The following B4GALT6 variants were observed in gnomAD, a reference collection of about 807,000 sequenced individuals.
B4GALT6 encodes UDP-Gal:beta-GlcNAc beta-1,4-galactosyltransferase 6.
Under a neutral mutation model 46.3 loss-of-function variants are expected in B4GALT6, and 14 were observed. The observed-to-expected ratio is 0.30, with a 90% CI of 0.20 to 0.47. The LOEUF (loss-of-function observed/expected upper bound fraction) is 0.47. Among genes scored for constraint, B4GALT6 ranks in the 20% least tolerant of loss-of-function variants. The pLI is 0.99. For missense variants in B4GALT6, 386 were observed against 480.1 expected (o/e 0.80, Z 1.83); for synonymous variants, 168 against 162.0 (o/e 1.04, Z -0.28).
the B4GALT6 span, among the ~76,000 whole-genome samples, chr18:31,695,215 G>A: frequency 6.6e-6 from 1 of 151,610 alleles, no homozygotes. Context: ...CTTGTTAAAG[G>A]AGGGACTGGC....
At chr18:31,713,883 C>T in the B4GALT6 span, among the ~76,000 whole-genome samples, 552 of 152,238 alleles carry the variant, frequency 3.6e-3, 3 homozygotes, top group African/African-American at 0.013. Context: ...GTTGGCCCGG[C>T]GTTGCCAGGT....
the B4GALT6 span, among the ~76,000 whole-genome samples, chr18:31,692,634 T>C: frequency 8.5e-5 from 13 of 152,342 alleles, no homozygotes; most frequent in African/African-American, 2.6e-4. Context: ...ATGATTAATG[T>C]AGAATCATCT....
At position 31,623,782 on chromosome 18, in the gene B4GALT6, T is replaced by C. The variant is rs1021326782; in HGVS notation, c.*1832A>G. 2.0e-5 allele frequency: 3 copies of C among 151,998 alleles called. No homozygotes were observed. The highest frequency in any genetic ancestry group is 1.3e-4 in the Admixed American group (2 of 15,278). 9.4% of individuals were successfully genotyped at this position (151,998 alleles called of 1,614,324 possible). On this transcript the variant is annotated 3_prime_UTR_variant, in exon 9 of 9. Coordinates refer to ENST00000306851, the MANE Select transcript of B4GALT6 (RefSeq NM_004775.5). ...TTCTCAAAGTGTAAGGATTCAATTA[T>C]TTTATGATTTAGTTTGTGGTCATTT... is the stretch of plus-strand genomic sequence containing the variant.
At chr18:31,687,121 C>T (rs1364250097), upstream of B4GALT6, among the ~76,000 whole-genome samples, 2 of 152,170 alleles carry the variant, frequency 1.3e-5, no homozygotes, top group East Asian at 1.9e-4. Flanking sequence ...GTGTCCCCCA[C>T]GGTACTTGTT....
chr18:31,630,790 G>A (rs531110529), intron 6 of B4GALT6, among the ~76,000 whole-genome samples, 169 bp downstream of exon 6: 14 of 152,210 alleles, frequency 9.2e-5, no homozygotes, highest in South Asian at 2.1e-4. Context: ...CCAGGGGAAC[G>A]AAAAGCCACT....
chr18:31,711,301 T>C, the B4GALT6 span, among the ~76,000 whole-genome samples: 1 of 152,184 alleles, frequency 6.6e-6, no homozygotes, highest in East Asian at 1.9e-4. Context: ...TGCAGGTTGA[T>C]TATACAGGTA....
the B4GALT6 span, among the ~76,000 whole-genome samples, chr18:31,697,528 T>C: frequency 2.0e-5 from 3 of 152,176 alleles, no homozygotes; most frequent in Non-Finnish European, 4.4e-5. Context: ...AACATAACAT[T>C]GTTACTTATT....
At chr18:31,659,070 G>T (rs972841866) in intron 2 of B4GALT6, among the ~76,000 whole-genome samples, 4 of 152,152 alleles carry the variant, frequency 2.6e-5, no homozygotes, top group African/African-American at 9.7e-5. Context: ...ACATCAACAT[G>T]CAATGAGTGA....
At chr18:31,686,588 C>T (rs1239699947), upstream of B4GALT6, 1 of 152,184 alleles carries the variant, frequency 6.6e-6, no homozygotes, top group African/African-American at 2.4e-5. Flanking sequence ...GGAGTACTCA[C>T]AACTCAACTT....
At chr18:31,709,939 CA>C in the B4GALT6 span, among the ~76,000 whole-genome samples, 1 of 151,422 alleles carries the variant, frequency 6.6e-6, no homozygotes, top group African/African-American at 2.4e-5. Flanking sequence ...ACTATAAATA[CA>C]AAAAATTAGC....
intron 4 of B4GALT6, among the ~76,000 whole-genome samples, chr18:31,642,884 C>G (rs1195707019): frequency 1.3e-5 from 2 of 152,140 alleles, no homozygotes; most frequent in African/African-American, 2.4e-5. Flanking sequence ...GGGGTCTCAA[C>G]AGGTTGGCCA....
rs1356383734 is a variant in B4GALT6, at chr18:31,684,453, G to C, written c.-27C>G. The C allele has an allele frequency of 6.2e-7, 1 of 1,609,916 alleles. No homozygotes were observed. Among genetic ancestry groups the C allele is most frequent in the Non-Finnish European group, 8.5e-7 (1 of 1,177,940 alleles). ...TTCCTCTTCCCTGCCAGCAGCCCAGGCTGCGCTCTCAGGCCGGACTCGGGG... is the reference window on the plus strand; with the variant it reads ...TTCCTCTTCCCTGCCAGCAGCCCAGCCTGCGCTCTCAGGCCGGACTCGGGG... On this transcript the variant is annotated 5_prime_UTR_variant, in exon 1 of 9. Coordinates refer to ENST00000306851, the MANE Select transcript of B4GALT6 (RefSeq NM_004775.5).
At chr18:31,642,162 C>T (rs772515467) in intron 4 of B4GALT6, among the ~76,000 whole-genome samples, 18 of 152,304 alleles carry the variant, frequency 1.2e-4, no homozygotes, top group Non-Finnish European at 2.5e-4. Flanking sequence ...TGTTTGAGGA[C>T]TGAGTTCAAG....
At chr18:31,651,014 C>T (rs62093514) in intron 3 of B4GALT6, among the ~76,000 whole-genome samples, 2,850 of 152,318 alleles carry the variant, frequency 0.019, 35 homozygotes, top group Non-Finnish European at 0.028. Context: ...GATCCACCCA[C>T]CTCGGCCTCC....
At chr18:31,661,188 AC>A (rs1396456633) in intron 2 of B4GALT6, among the ~76,000 whole-genome samples, 1 of 152,228 alleles carries the variant, frequency 6.6e-6, no homozygotes, top group African/African-American at 2.4e-5. Flanking sequence ...CATCAACAAT[AC>A]CGATTTGAAT....
intron 1 of B4GALT6, among the ~76,000 whole-genome samples, chr18:31,667,457 T>G (rs1453132850): frequency 6.6e-6 from 1 of 152,200 alleles, no homozygotes; most frequent in Non-Finnish European, 1.5e-5. Flanking sequence ...GAATGCTGAC[T>G]AATTTTCTAA....
the B4GALT6 span, among the ~76,000 whole-genome samples, chr18:31,723,591 G>GA: frequency 0.013 from 1,921 of 152,034 alleles, 36 homozygotes; most frequent in African/African-American, 0.044. Context: ...CTCCCAGACT[G>GA]AATTGCTCAC....
chr18:31,719,350 G>C, the B4GALT6 span: 1 of 152,508 alleles, frequency 6.6e-6, no homozygotes, highest in East Asian at 1.9e-4. Context: ...AGCAAAAAGA[G>C]GCAACTCATC....
the B4GALT6 span, among the ~76,000 whole-genome samples, chr18:31,721,983 C>T: frequency 6.6e-6 from 1 of 152,100 alleles, no homozygotes; most frequent in Non-Finnish European, 1.5e-5. Flanking sequence ...TGCAAACTCA[C>T]ATACCCTTCG....
Sources: gnomAD v4.1 joint callset for allele counts (sites outside exome capture counted in the v4.1 genomes callset) on GRCh38, gnomAD v4.1.1 for gene constraint, MANE v1.5 for transcripts, NCBI Gene and HGNC (gene_info 2026-07-23, HGNC 2026-07-21) for gene names.